The following LINGO2 variants were observed in gnomAD, a reference collection of about 807,000 sequenced individuals.
LINGO2 encodes leucine rich repeat and Ig domain containing 2, also known as leucine-rich repeat and immunoglobulin-like domain-containing nogo receptor-interacting protein 2.
In LINGO2, 14 loss-of-function variants were observed where a neutral mutation model predicts 30.6. The observed-to-expected ratio is 0.46, with a 90% CI of 0.30 to 0.72. The LOEUF is 0.72. LINGO2 is among the 30% of genes least tolerant of loss of function. LINGO2 has a pLI of 0.07. For synonymous variants in LINGO2, 317 were observed against 288.5 expected (o/e 1.10, Z -1.00); for missense variants, 729 against 751.7 (o/e 0.97, Z 0.35).
chr9:28,480,779 T>C lies in LINGO2; in HGVS notation c.-364-4754A>G, dbSNP rs140136415. Among the ~76,000 whole-genome samples, 20 of 152,252 alleles carry C rather than the reference T, an allele frequency of 1.3e-4. No individual in the cohort carries two copies. The East Asian group carries it at 3.7e-3, about 28-fold the overall frequency. On this transcript the variant is annotated intron_variant, in intron 1 of 5. Transcript: ENST00000379992. Reference sequence around the variant, plus strand: ...CTTTCAATTTTTTTTGTTAGTATCCTATCTGTCCTTTTAGGCCCTGATTCC... The same window carrying C: ...CTTTCAATTTTTTTTGTTAGTATCCCATCTGTCCTTTTAGGCCCTGATTCC...
chr9:29,134,775 T>C, the LINGO2 span, among the ~76,000 whole-genome samples: 1 of 152,042 alleles, frequency 6.6e-6, no homozygotes, highest in African/African-American at 2.4e-5. Context: ...AATATCCCTA[T>C]TAATATAGTT....
At chr9:28,981,465 A>G in the LINGO2 span, among the ~76,000 whole-genome samples, 2 of 152,124 alleles carry the variant, frequency 1.3e-5, no homozygotes, top group Non-Finnish European at 1.5e-5. Flanking sequence ...ATTTAAAGCC[A>G]TATCATTCTG....
chr9:28,903,065 GA>G, the LINGO2 span, among the ~76,000 whole-genome samples: 2 of 149,776 alleles, frequency 1.3e-5, no homozygotes, highest in East Asian at 3.9e-4. Flanking sequence ...AAAAACAATT[GA>G]AAAAAATCAA....
the LINGO2 span, among the ~76,000 whole-genome samples, chr9:28,989,315 T>A: frequency 6.6e-6 from 1 of 152,204 alleles, no homozygotes; most frequent in Non-Finnish European, 1.5e-5. Flanking sequence ...GAAAACAATG[T>A]TTGTAAAATA....
chr9:27,961,669 A>G (rs1819854954), intron 5 of LINGO2, among the ~76,000 whole-genome samples: 1 of 152,216 alleles, frequency 6.6e-6, no homozygotes, highest in Non-Finnish European at 1.5e-5. Context: ...TGGAAAAATT[A>G]ATCTGATTCC....
At chr9:29,046,018 G>C in the LINGO2 span, among the ~76,000 whole-genome samples, 2 of 152,088 alleles carry the variant, frequency 1.3e-5, no homozygotes, top group African/African-American at 4.8e-5. Flanking sequence ...TTGTTTATCA[G>C]CTAGAGGAGC....
At chr9:28,401,386 G>A (rs754878399) in intron 2 of LINGO2, among the ~76,000 whole-genome samples, 1 of 152,064 alleles carries the variant, frequency 6.6e-6, no homozygotes, top group Non-Finnish European at 1.5e-5. Context: ...AACATGTGGT[G>A]TTTGGTTTTT....
At chr9:27,972,585 C>T (rs1351527432) in intron 5 of LINGO2, among the ~76,000 whole-genome samples, 2 of 152,168 alleles carry the variant, frequency 1.3e-5, no homozygotes. Context: ...GGCTCTCCAT[C>T]ACAACAATCC....
chr9:28,051,382 A>G (rs1261803800), intron 4 of LINGO2, among the ~76,000 whole-genome samples: 3 of 152,144 alleles, frequency 2.0e-5, no homozygotes, highest in African/African-American at 7.2e-5. Flanking sequence ...TCTACTAAAT[A>G]GACTTCTCAT....
At chr9:28,493,947 A>T (rs1296416320) in intron 1 of LINGO2, among the ~76,000 whole-genome samples, 1 of 152,078 alleles carries the variant, frequency 6.6e-6, no homozygotes, top group Non-Finnish European at 1.5e-5. Flanking sequence ...CTCTCTCCTC[A>T]GCTTGCAGAT....
At chr9:28,177,221 TGG>T (rs1223403872) in intron 4 of LINGO2, among the ~76,000 whole-genome samples, 1 of 152,166 alleles carries the variant, frequency 6.6e-6, no homozygotes, top group Non-Finnish European at 1.5e-5. Context: ...TTGTAAAGGA[TGG>T]TTTTTTTGAG....
At chr9:28,383,139 A>G (rs1041629682) in intron 2 of LINGO2, among the ~76,000 whole-genome samples, 2 of 151,946 alleles carry the variant, frequency 1.3e-5, no homozygotes, top group African/African-American at 4.8e-5. Flanking sequence ...TAGGAAGAAG[A>G]ATATTCACCC....
chr9:28,261,307 C>A (rs371659328), intron 4 of LINGO2, among the ~76,000 whole-genome samples: 1 of 151,830 alleles, frequency 6.6e-6, no homozygotes, highest in Admixed American at 6.6e-5. Context: ...AAAGATAAAT[C>A]CCAGCTTACT....
chr9:28,772,588 T>G, the LINGO2 span, among the ~76,000 whole-genome samples: 868 of 152,320 alleles, frequency 5.7e-3, 10 homozygotes, highest in African/African-American at 0.02. Context: ...TCTTGAAAAT[T>G]GTCCGCTGAA....
rs370970838 is a variant in LINGO2 at position 28,151,448 on chromosome 9, A to G, written c.-86-139043T>C. Among the ~76,000 whole-genome samples the G allele has an allele frequency of 1.1e-4, 17 of 152,064 alleles. No individual in the cohort carries two copies. In the East Asian group the frequency reaches 2.7e-3, roughly 24 times the overall value. On this transcript the variant is annotated intron_variant, in intron 4 of 5. Transcript: ENST00000379992. ...ATTATATACACATATCAAAAGATCA[A>G]TATAAAATAATAAAGGTCATATGAT...
chr9:28,655,246 A>G (rs1031719125), intron 1 of LINGO2, among the ~76,000 whole-genome samples: 34 of 151,688 alleles, frequency 2.2e-4, no homozygotes, highest in African/African-American at 8.0e-4. Context: ...CCCTTCCTCC[A>G]TGGTTGTAAG....
the LINGO2 span, among the ~76,000 whole-genome samples, chr9:29,189,702 T>C: frequency 3.9e-5 from 6 of 152,114 alleles, no homozygotes; most frequent in Non-Finnish European, 1.5e-5. Context: ...ATCACGCCAC[T>C]GCACTCCAGC....
At chr9:29,044,297 T>C in the LINGO2 span, among the ~76,000 whole-genome samples, 2 of 152,006 alleles carry the variant, frequency 1.3e-5, no homozygotes, top group Non-Finnish European at 2.9e-5. Flanking sequence ...GGTACAGGCA[T>C]AAACTCCAGA....
chr9:28,231,584 T>C (rs1030966947), intron 4 of LINGO2, among the ~76,000 whole-genome samples: 1 of 152,132 alleles, frequency 6.6e-6, no homozygotes, highest in African/African-American at 2.4e-5. Flanking sequence ...AAGCATGAGA[T>C]ATTACACTGA....
Sources: gnomAD v4.1 joint callset for allele counts (sites outside exome capture counted in the v4.1 genomes callset) on GRCh38, gnomAD v4.1.1 for gene constraint, MANE v1.5 for transcripts, NCBI Gene and HGNC (gene_info 2026-07-23, HGNC 2026-07-21) for gene names.